MYRIP: variants seen among roughly 807,000 people sequenced by gnomAD.
The protein encoded by MYRIP is myosin VIIA and Rab interacting protein.
Under a neutral mutation model 98.0 loss-of-function variants are expected in MYRIP, and 49 were observed. The ratio of observed to expected loss-of-function variants is 0.50; its 90% CI spans 0.40 to 0.63. MYRIP has a LOEUF of 0.63. Among genes scored for constraint, MYRIP ranks in the 30% least tolerant of loss-of-function variants. MYRIP has a pLI of 0.00. For synonymous variants in MYRIP, 404 were observed against 409.5 expected (o/e 0.99, Z 0.16); for missense variants, 1,004 against 1,058.2 (o/e 0.95, Z 0.71).
intron 1 of MYRIP, among the ~76,000 whole-genome samples, chr3:39,862,229 G>A (rs1942493860): frequency 6.6e-6 from 1 of 152,150 alleles, no homozygotes; most frequent in African/African-American, 2.4e-5. Context: ...TTCATTTCCA[G>A]CTAAACTTAG....
At position 40,248,682 on chromosome 3, in the gene MYRIP, C is replaced by CCAT. The variant is rs369315736; in HGVS notation, c.2263-1537_2263-1535dup. ...CCCAGGGCCCTCTGAGCAAGGCCCT[C>CCAT]CATCAAAACTGCTTCCAGGGAAGAA... On this transcript the variant is annotated intron_variant, in intron 13 of 16. Coordinates refer to ENST00000302541, the MANE Select transcript of MYRIP (RefSeq NM_015460.4). Among the ~76,000 whole-genome samples, 264 of 152,316 alleles carry CCAT rather than the reference C, an allele frequency of 1.7e-3. 1 individual carries two copies. Among genetic ancestry groups the CCAT allele is most frequent in the African/African-American group, 5.9e-3 (245 of 41,566 alleles).
chr3:40,124,608 G>C (rs1185672730), intron 3 of MYRIP, among the ~76,000 whole-genome samples: 2 of 152,208 alleles, frequency 1.3e-5, no homozygotes, highest in Non-Finnish European at 2.9e-5. Flanking sequence ...GCTTCTTAGG[G>C]AGGCTTCTCC....
intron 2 of MYRIP, among the ~76,000 whole-genome samples, chr3:39,960,855 A>G (rs1174907924): frequency 6.6e-6 from 1 of 152,150 alleles, no homozygotes; most frequent in African/African-American, 2.4e-5. Context: ...TTGGGGACCA[A>G]GTTGTACACT....
At chr3:40,123,807 G>T (rs1339004539) in intron 3 of MYRIP, among the ~76,000 whole-genome samples, 1 of 152,164 alleles carries the variant, frequency 6.6e-6, no homozygotes, top group Non-Finnish European at 1.5e-5. Flanking sequence ...AGGCTAAAGT[G>T]TTGAATGGCA....
chr3:40,095,355 T>G (rs1279574101), intron 3 of MYRIP, among the ~76,000 whole-genome samples: 1 of 152,132 alleles, frequency 6.6e-6, no homozygotes, highest in Non-Finnish European at 1.5e-5. Flanking sequence ...AGCTTCTGCC[T>G]TCACAGGTTT....
intron 1 of MYRIP, among the ~76,000 whole-genome samples, chr3:39,856,352 C>T (rs1942295756): frequency 6.6e-6 from 1 of 152,224 alleles, no homozygotes; most frequent in Admixed American, 6.5e-5. Context: ...CTTCTATCCA[C>T]CTTCTTCCCC....
chr3:39,956,486 C>A (rs1200946911), intron 2 of MYRIP, among the ~76,000 whole-genome samples: 2 of 152,134 alleles, frequency 1.3e-5, no homozygotes, highest in African/African-American at 4.8e-5. Context: ...CCAACAAGAA[C>A]AAAGACACAA....
intron 15 of MYRIP, among the ~76,000 whole-genome samples, 163 bp from the exon 16 acceptor site, chr3:40,251,718 A>G (rs576357737): frequency 8.7e-4 from 132 of 152,360 alleles, no homozygotes; most frequent in African/African-American, 3.1e-3. Flanking sequence ...CATCATAAAA[A>G]TAAACACAAA....
At chr3:40,182,046 C>T (rs192976674) in intron 8 of MYRIP, among the ~76,000 whole-genome samples, 174 bp from the exon 9 acceptor site, 7 of 152,348 alleles carry the variant, frequency 4.6e-5, no homozygotes, top group Middle Eastern at 3.4e-3. Context: ...AGGGAATAAA[C>T]ATTTACCTGG....
intron 2 of MYRIP, among the ~76,000 whole-genome samples, chr3:40,029,439 T>C (rs1023352727): frequency 6.6e-6 from 1 of 152,196 alleles, no homozygotes; most frequent in Non-Finnish European, 1.5e-5. Flanking sequence ...GCCCTGCTCA[T>C]GTGTTAGAAG....
At chr3:39,854,521 T>C (rs1227479403) in intron 1 of MYRIP, among the ~76,000 whole-genome samples, 2 of 152,116 alleles carry the variant, frequency 1.3e-5, no homozygotes, top group Non-Finnish European at 2.9e-5. Context: ...TCTATTTCCC[T>C]GGAGCATTTT....
intron 3 of MYRIP, among the ~76,000 whole-genome samples, chr3:40,120,792 TACTC>T (rs1470890333): frequency 1.3e-5 from 2 of 152,184 alleles, no homozygotes; most frequent in Admixed American, 6.5e-5. Flanking sequence ...TAAATTCTCT[TACTC>T]ACTTCAAGCT....
intron 2 of MYRIP, among the ~76,000 whole-genome samples, chr3:39,998,292 C>T (rs1243276074): frequency 6.6e-6 from 1 of 152,220 alleles, no homozygotes; most frequent in Non-Finnish European, 1.5e-5. Flanking sequence ...ACCATCATCT[C>T]AGCCCAAAAT....
chr3:39,954,300 C>T (rs1377595941), intron 2 of MYRIP, among the ~76,000 whole-genome samples: 1 of 152,030 alleles, frequency 6.6e-6, no homozygotes, highest in Non-Finnish European at 1.5e-5. Flanking sequence ...AGGTAGGTGC[C>T]CCTCCGAGAT....
chr3:39,898,111 T>C (rs921253031), intron 1 of MYRIP, among the ~76,000 whole-genome samples: 11 of 152,184 alleles, frequency 7.2e-5, no homozygotes, highest in African/African-American at 2.2e-4. Context: ...GCTTCTTCCC[T>C]TGCCTTTGCA....
intron 2 of MYRIP, among the ~76,000 whole-genome samples, chr3:39,914,085 C>T (rs1268848706): frequency 6.6e-6 from 1 of 152,180 alleles, no homozygotes; most frequent in Non-Finnish European, 1.5e-5. Context: ...TCTTCTAGAA[C>T]AGACATACAA....
chr3:40,016,848 C>A (rs1303270076), intron 2 of MYRIP, among the ~76,000 whole-genome samples: 1 of 152,226 alleles, frequency 6.6e-6, no homozygotes, highest in Non-Finnish European at 1.5e-5. Flanking sequence ...TGCCATATAT[C>A]ATGGCTCAGT....
intron 2 of MYRIP, among the ~76,000 whole-genome samples, chr3:40,026,736 C>A (rs1278804039): frequency 6.6e-6 from 1 of 152,144 alleles, no homozygotes; most frequent in Admixed American, 6.5e-5. Context: ...ACTGAAATTG[C>A]CTTTCTCAGA....
intron 12 of MYRIP, among the ~76,000 whole-genome samples, chr3:40,236,167 G>A (rs1333380146): frequency 1.3e-5 from 2 of 152,150 alleles, no homozygotes; most frequent in Non-Finnish European, 2.9e-5. Context: ...AATTACCATG[G>A]TGTTACAATT....
Sources: allele counts gnomAD v4.1 joint callset (sites outside exome capture counted in the v4.1 genomes callset), GRCh38; gene constraint gnomAD v4.1.1; transcripts MANE v1.5; gene names NCBI Gene and HGNC (gene_info 2026-07-23, HGNC 2026-07-21).